FGF12: variants seen among roughly 807,000 people sequenced by gnomAD.
FGF12 encodes fibroblast growth factor 12, also known as fibroblast growth factor 12B.
Under a neutral mutation model 23.6 loss-of-function variants are expected in FGF12, and 14 were observed. That is an observed-to-expected ratio of 0.59 (90% CI 0.39 to 0.93). The LOEUF (loss-of-function observed/expected upper bound fraction) is 0.93, where lower values mean the gene tolerates loss of function less well. Among genes scored for constraint, FGF12 ranks in the 40% least tolerant of loss-of-function variants. FGF12 has a pLI of 0.00. For missense variants in FGF12, 175 were observed against 217.8 expected, an observed-to-expected ratio of 0.80 and a Z score of 1.24; for synonymous variants, 62 against 77.3, an observed-to-expected ratio of 0.80 and a Z score of 1.04.
chr3:192,546,013 G>C (rs1223131236), intron 2 of FGF12, among the ~76,000 whole-genome samples: 5 of 152,202 alleles, frequency 3.3e-5, no homozygotes, highest in Admixed American at 3.3e-4. Flanking sequence ...CTTCATTTCA[G>C]AATGAAATGT....
chr3:192,454,762 GTTAA>G (rs1722629080), intron 2 of FGF12, among the ~76,000 whole-genome samples: 1 of 152,132 alleles, frequency 6.6e-6, no homozygotes, highest in Non-Finnish European at 1.5e-5. Flanking sequence ...GATACTGATT[GTTAA>G]TTACTACAGA....
At chr3:192,499,716 A>G (rs980455307) in intron 2 of FGF12, among the ~76,000 whole-genome samples, 2 of 150,292 alleles carry the variant, frequency 1.3e-5, no homozygotes, top group Non-Finnish European at 3.0e-5. Context: ...TATTTTTAGT[A>G]GAGATGGAGT....
chr3:192,397,793 A>C (rs1720586285), intron 2 of FGF12, among the ~76,000 whole-genome samples: 1 of 152,170 alleles, frequency 6.6e-6, no homozygotes, highest in Non-Finnish European at 1.5e-5. Context: ...GAAAATTTGA[A>C]TATAGATCCC....
chr3:192,335,577 T>C (rs1435698313), intron 3 of FGF12, 113 bp from the exon 4 acceptor site: 4 of 696,110 alleles, frequency 5.7e-6, no homozygotes, highest in Non-Finnish European at 1.0e-5. Context: ...GGTAGAAAAA[T>C]GGAGAGAGAA....
At chr3:192,330,646 T>C (rs1717064455) in intron 4 of FGF12, among the ~76,000 whole-genome samples, 1 of 152,030 alleles carries the variant, frequency 6.6e-6, no homozygotes, top group Non-Finnish European at 1.5e-5. Context: ...GAGATTGCAG[T>C]GAGCTGAGAT....
intron 2 of FGF12, among the ~76,000 whole-genome samples, chr3:192,527,684 A>G (rs1264742940): frequency 1.3e-5 from 2 of 152,088 alleles, no homozygotes; most frequent in African/African-American, 4.8e-5. Flanking sequence ...TTATTTGTAC[A>G]TATTTATGGG....
Position 192,514,582 on chromosome 3 carries a change from A to T in FGF12, c.14-154044T>A. 3.5e-6 allele frequency: 2 copies of T among 576,238 alleles called. No individual in the cohort carries two copies. The highest frequency in any genetic ancestry group is 2.0e-5 in the African/African-American group (1 of 49,446). 35.7% of individuals were successfully genotyped at this position (576,238 alleles called of 1,614,324 possible). Reference sequence around the variant, plus strand: ...CGCCACAGGCAGCGCTGAATGAAGCAGAGGAGGGCGGCGGAGAGGGCCCCG... The same window carrying T: ...CGCCACAGGCAGCGCTGAATGAAGCTGAGGAGGGCGGCGGAGAGGGCCCCG... On this transcript the variant is annotated intron_variant, in intron 2 of 5. Coordinates refer to ENST00000445105, the MANE Select transcript of FGF12 (RefSeq NM_004113.6). The surrounding 1 kb of genome is among the most constrained non-coding windows in gnomAD (Gnocchi z 4.9).
At chr3:192,726,916 G>A in intron 2 of FGF12, 2 of 525,278 alleles carry the variant, frequency 3.8e-6, no homozygotes, top group South Asian at 3.2e-5. Context: ...CCATTTTGGG[G>A]GGACTCTCCC....
intron 5 of FGF12, among the ~76,000 whole-genome samples, chr3:192,163,173 T>G (rs1276110384): frequency 6.6e-6 from 1 of 152,174 alleles, no homozygotes; most frequent in Non-Finnish European, 1.5e-5. Context: ...TTTCTTGACT[T>G]CTCCAATACA....
In FGF12 at chr3:192,325,413, C is replaced by T. The variant is rs376062786; in HGVS notation, c.228+9948G>A. Among the ~76,000 whole-genome samples, 3 of 152,208 alleles carry T rather than the reference C, an allele frequency of 2.0e-5. No individual in the cohort carries two copies. In the South Asian group the frequency reaches 6.2e-4, roughly 32 times the overall value. On this transcript the variant is annotated intron_variant, in intron 4 of 5. Transcript: ENST00000445105. ...GTTGAACAAGCCCCTAAGATTTGGC[C>T]TTTGACTTTTCTCTATTTAGGCATC...
rs145144198 is a variant in FGF12, at chr3:192,712,021, C to T, written c.13+15160G>A. On this transcript the variant is annotated intron_variant, in intron 2 of 5. Transcript: ENST00000445105. ...AAAATATCGCATCTGTGAAATAAGACGGCATAATATAAAACTGAACAATTA... is the reference window on the plus strand; with the variant it reads ...AAAATATCGCATCTGTGAAATAAGATGGCATAATATAAAACTGAACAATTA... Among the ~76,000 whole-genome samples the T allele has an allele frequency of 4.1e-3, 604 of 147,088 alleles. 2 individuals are homozygous for T. Among genetic ancestry groups the T allele is most frequent in the African/African-American group, 0.013 (539 of 40,172 alleles).
In FGF12 at chr3:192,173,704, T is replaced by G. The variant is rs184074762; in HGVS notation, c.229-3048A>C. On this transcript the variant is annotated intron_variant, in intron 4 of 5. Coordinates refer to ENST00000445105, the MANE Select transcript of FGF12 (RefSeq NM_004113.6). ...CCCTAGATGCTATGCTAAGGAACTC[T>G]GGAAAGTTCAAGCAATACATTCAAT... Among the ~76,000 whole-genome samples the G allele has an allele frequency of 1.5e-4, 23 of 152,282 alleles. No homozygotes were observed. In the East Asian group the frequency reaches 4.2e-3, roughly 28 times the overall value.
At chr3:192,312,510 T>C (rs78248494) in intron 4 of FGF12, among the ~76,000 whole-genome samples, 5,638 of 151,528 alleles carry the variant, frequency 0.037, 335 homozygotes, top group African/African-American at 0.13. Context: ...GGAAAACCCA[T>C]AAGCATATAA....
At chr3:192,397,215 C>T (rs188966695) in intron 2 of FGF12, among the ~76,000 whole-genome samples, 13 of 152,268 alleles carry the variant, frequency 8.5e-5, no homozygotes, top group East Asian at 3.9e-4. Context: ...AATGTGGAGG[C>T]GGCCTGGCCA....
intron 2 of FGF12, among the ~76,000 whole-genome samples, chr3:192,683,839 A>C (rs1187275020): frequency 6.6e-6 from 1 of 152,228 alleles, no homozygotes; most frequent in Non-Finnish European, 1.5e-5. Context: ...AACTGAGCCA[A>C]AACAGACTTA....
chr3:192,191,269 A>AAGCT (rs1443781970), intron 4 of FGF12, among the ~76,000 whole-genome samples: 2 of 152,190 alleles, frequency 1.3e-5, no homozygotes, highest in African/African-American at 4.8e-5. Context: ...TAGGGCAGTG[A>AAGCT]AGCTACTCTG....
chr3:192,145,924 TA>T (rs1401633446), intron 5 of FGF12, among the ~76,000 whole-genome samples: 1 of 112,340 alleles, frequency 8.9e-6, no homozygotes, highest in Non-Finnish European at 2.3e-5. Flanking sequence ...CTCTTTCTAT[TA>T]TAAAAAAAAT....
chr3:192,632,246 C>A (rs1715416195), intron 2 of FGF12, among the ~76,000 whole-genome samples: 1 of 152,094 alleles, frequency 6.6e-6, no homozygotes, highest in South Asian at 2.1e-4. Context: ...GAATTCAACA[C>A]CCACTGAAAT....
At chr3:192,333,641 G>GT (rs1319161033) in intron 4 of FGF12, among the ~76,000 whole-genome samples, 15 of 151,928 alleles carry the variant, frequency 9.9e-5, no homozygotes, top group Non-Finnish European at 1.9e-4. Context: ...ATTTTCAGGA[G>GT]TAAAAAAAAT....
Sources: gnomAD v4.1 joint callset for allele counts (sites outside exome capture counted in the v4.1 genomes callset) on GRCh38, gnomAD v4.1.1 for gene constraint, Gnocchi (gnomAD v3.1) non-coding constraint, MANE v1.5 for transcripts, NCBI Gene and HGNC (gene_info 2026-07-23, HGNC 2026-07-21) for gene names.